DNAH10: variants seen among roughly 807,000 people sequenced by gnomAD.
DNAH10 encodes dynein axonemal heavy chain 10, also known as axonemal beta dynein heavy chain 10.
Under a neutral mutation model 506.6 loss-of-function variants are expected in DNAH10, and 348 were observed. That is an observed-to-expected ratio of 0.69 (90% CI 0.63 to 0.75). The LOEUF is 0.75. DNAH10 is among the 30% of genes least tolerant of loss of function. The probability of loss-of-function intolerance (pLI) is 0.00; values close to 1 mark genes in which losing one functional copy is unlikely to be tolerated. For synonymous variants in DNAH10, 2,059 were observed against 2,198.6 expected (o/e 0.94, Z 1.78); for missense variants, 5,179 against 5,787.1 (o/e 0.89, Z 3.41).
At chr12:123,786,876 G>T (rs928876035) in intron 9 of DNAH10, among the ~76,000 whole-genome samples, 1 of 151,978 alleles carries the variant, frequency 6.6e-6, no homozygotes, top group East Asian at 1.9e-4. Context: ...GGTGGCTCAC[G>T]CCTGTAATTC....
At chr12:123,820,974 G>A (rs1959336826) in intron 24 of DNAH10, among the ~76,000 whole-genome samples, 1 of 152,236 alleles carries the variant, frequency 6.6e-6, no homozygotes, top group Non-Finnish European at 1.5e-5. Context: ...AATAGGCTGG[G>A]TGCGGTGGCT....
Position 123,787,759 on chromosome 12 carries a change from C to T in DNAH10, c.1422-45C>T, listed in dbSNP as rs781637400. The T allele has an allele frequency of 1.7e-5, 27 of 1,587,080 alleles. No homozygotes were observed. The highest frequency in any genetic ancestry group is 1.0e-4 in the South Asian group (9 of 87,468). On this transcript the variant is annotated intron_variant, in intron 9 of 78. Transcript: ENST00000673944. The surrounding 1 kb of genome is among the most constrained non-coding windows in gnomAD (Gnocchi z 4.6). ...CCAGCCGGGGAGTGCGGCTCGGACC[C>T]GGAGCTCCGCCCTCCTCCCATCACG...
intron 53 of DNAH10, among the ~76,000 whole-genome samples, chr12:123,893,740 T>C (rs959151396): frequency 5.3e-5 from 8 of 152,166 alleles, no homozygotes; most frequent in African/African-American, 1.9e-4. Flanking sequence ...TGCCAGCCTT[T>C]AGAGCAGAGG....
intron 52 of DNAH10, among the ~76,000 whole-genome samples, chr12:123,887,609 A>G (rs1025615332): frequency 8.5e-5 from 13 of 152,142 alleles, no homozygotes; most frequent in African/African-American, 3.1e-4. Context: ...AGTGTGCATC[A>G]TACATTCCCG....
At position 123,932,125 on chromosome 12, in the gene DNAH10, C is replaced by T. The variant is rs753941933; in HGVS notation, c.13296+17C>T. The T allele has an allele frequency of 1.2e-5, 20 of 1,612,318 alleles. No individual in the cohort carries two copies. The highest frequency in any genetic ancestry group is 4.0e-5 in the African/African-American group (3 of 74,846). ...ATGTTGTGGGTAAGTGGCACGTCAC[C>T]GCCTCCTCTCTGCCGATTCAGGTGT... On this transcript the variant is annotated intron_variant, in intron 76 of 78. Transcript: ENST00000673944.
chr12:123,923,771 G>C lies in DNAH10; in HGVS notation c.11515G>C (p.Glu3839Gln). The change falls in exon 66 of 79, where the codon GAG becomes CAG. Residue 3839 changes from glutamate to glutamine, a missense_variant. Glu to Gln is a conservative substitution (Grantham distance 29). Transcript: ENST00000673944. ...IYNHGCTGLF[E>Q]RHKLLFSFNM... is the part of the protein sequence containing the mutation. Reference sequence around the variant, plus strand: ...CTGATGTTTCCCTCCAGGGCTGTTTGAGAGGCACAAGCTACTCTTTTCTTT... The same window carrying C: ...CTGATGTTTCCCTCCAGGGCTGTTTCAGAGGCACAAGCTACTCTTTTCTTT... 6.2e-7 allele frequency: 1 copy of C among 1,607,348 alleles called. No homozygotes were observed. Among genetic ancestry groups the C allele is most frequent in the Non-Finnish European group, 8.5e-7 (1 of 1,178,174 alleles).
At position 123,935,368 on chromosome 12, in the gene DNAH10, A is replaced by C. The variant is rs1412154947; in HGVS notation, c.13657A>C (p.Met4553Leu). 4 of 1,611,212 alleles carry C rather than the reference A, an allele frequency of 2.5e-6. No homozygotes were observed. The highest frequency in any genetic ancestry group is 3.4e-6 in the Non-Finnish European group (4 of 1,177,484). Residue 4553 changes from methionine to leucine, a missense_variant, in exon 79 of 79, where the codon ATG becomes CTG. Met to Leu is a conservative substitution (Grantham distance 15, BLOSUM62 2). This residue lies in a region of DNAH10 where 4,844 missense variants were observed against 5,430.5 expected (regional missense o/e 0.89). Coordinates refer to ENST00000673944, the MANE Select transcript of DNAH10 (RefSeq NM_001372106.1). The part of the protein sequence containing the change: ...TFRTPVYTTS[M>L]RRNAMGVGLV... ...CCGGACCCCCGTCTACACCACCTCC[A>C]TGAGAAGGAACGCCATGGGAGTCGG...
In DNAH10 at chr12:123,788,881, C is replaced by T. The variant is rs567700717; in HGVS notation, c.1620+879C>T. Among the ~76,000 whole-genome samples the T allele has an allele frequency of 4.0e-5, 6 of 148,990 alleles. 1 individual carries two copies. In the South Asian group the frequency reaches 8.4e-4, roughly 21 times the overall value. ...GTTGAGGCGCAGTGAGCCGTGGTCACGCCAGTGTACCCCAGCCTGGGCGAC... is the reference window on the plus strand; with the variant it reads ...GTTGAGGCGCAGTGAGCCGTGGTCATGCCAGTGTACCCCAGCCTGGGCGAC... On this transcript the variant is annotated intron_variant, in intron 10 of 78. Transcript: ENST00000673944.
At chr12:123,893,664 G>A (rs1953089929) in intron 53 of DNAH10, among the ~76,000 whole-genome samples, 1 of 152,220 alleles carries the variant, frequency 6.6e-6, no homozygotes, top group Non-Finnish European at 1.5e-5. Context: ...TCCTCCATGC[G>A]AGGCCCGCAG....
In DNAH10 at chr12:123,917,570, A is replaced by G. The variant is rs752342406; in HGVS notation, c.11003-14A>G. ...GGGCCGCAGGTGGTGAGGGCCTCTCACTGTCCCCCACAGTCACGCTGAAGG... is the reference window on the plus strand; with the variant it reads ...GGGCCGCAGGTGGTGAGGGCCTCTCGCTGTCCCCCACAGTCACGCTGAAGG... On this transcript the variant is annotated splice_polypyrimidine_tract_variant and intron_variant, in intron 63 of 78. Coordinates refer to ENST00000673944, the MANE Select transcript of DNAH10 (RefSeq NM_001372106.1). This position sits in a 1 kb window ranked among gnomAD's most constrained non-coding sequence, Gnocchi z 5.6. 1.3e-6 allele frequency: 2 copies of G among 1,549,994 alleles called. No homozygotes were observed. The highest frequency in any genetic ancestry group is 2.4e-5 in the South Asian group (2 of 84,010).
Position 123,787,718 on chromosome 12 carries a change from A to C in DNAH10, c.1422-86A>C, listed in dbSNP as rs1165759602. 2 of 1,512,658 alleles carry C rather than the reference A, an allele frequency of 1.3e-6. No individual in the cohort carries two copies. The highest frequency in any genetic ancestry group is 1.8e-6 in the Non-Finnish European group (2 of 1,112,112). 93.7% of individuals were successfully genotyped at this position (1,512,658 alleles called of 1,614,324 possible). Reference sequence around the variant, plus strand: ...GGGGGGGCGCCCGGGTCAGAGCTTCACGGGACACTGGCTCCCCAGCCGGGG... The same window carrying C: ...GGGGGGGCGCCCGGGTCAGAGCTTCCCGGGACACTGGCTCCCCAGCCGGGG... On this transcript the variant is annotated intron_variant, in intron 9 of 78. Transcript: ENST00000673944. The surrounding 1 kb of genome is among the most constrained non-coding windows in gnomAD (Gnocchi z 4.6).
At chr12:123,881,985 T>A (rs1421125296) in intron 51 of DNAH10, 172 bp downstream of exon 51, 1 of 562,456 alleles carries the variant, frequency 1.8e-6, no homozygotes, top group Non-Finnish European at 2.7e-6. Context: ...TTGATATTAC[T>A]ATATTTTAAC....
At position 123,867,485 on chromosome 12, in the gene DNAH10, A is replaced by T; in HGVS notation, c.7186A>T (p.Asn2396Tyr). Reference protein sequence around the residue: ...IPNKVEQYNLNSLFEKYVPYL... With the variant: ...IPNKVEQYNLYSLFEKYVPYL... The stretch of plus-strand genomic sequence containing the variant: ...TTTATAGGTGGAGCAATACAATTTG[A>T]ATAGTCTCTTTGAGAAGTATGTGCC... The change falls in exon 42 of 79, where the codon AAT (asparagine) becomes TAT (tyrosine). Residue 2396 changes from asparagine to tyrosine, a missense_variant. Coordinates refer to ENST00000673944, the MANE Select transcript of DNAH10 (RefSeq NM_001372106.1). 6.2e-7 allele frequency: 1 copy of T among 1,613,656 alleles called. No homozygotes were observed. The highest frequency in any genetic ancestry group is 8.5e-7 in the Non-Finnish European group (1 of 1,179,764).
At chr12:123,829,668 C>T (rs929825247) in intron 25 of DNAH10, among the ~76,000 whole-genome samples, 15 of 152,242 alleles carry the variant, frequency 9.9e-5, no homozygotes, top group African/African-American at 3.1e-4. Flanking sequence ...GTTCAGAGAC[C>T]GATGAACCAG....
At chr12:123,866,312 C>T (rs565574652) in intron 41 of DNAH10, among the ~76,000 whole-genome samples, 175 of 131,948 alleles carry the variant, frequency 1.3e-3, no homozygotes, top group African/African-American at 4.6e-3. Context: ...GGCGCAATCT[C>T]GGCTCACTGC....
At position 123,932,100 on chromosome 12, in the gene DNAH10, A is replaced by T; in HGVS notation, c.13288A>T (p.Met4430Leu). The T allele has an allele frequency of 6.2e-7, 1 of 1,613,590 alleles. No individual in the cohort carries two copies. Among genetic ancestry groups the T allele is most frequent in the African/African-American group, 1.3e-5 (1 of 75,006 alleles). ...CTTCCTGCGGCGGTTCAGCCAGTAC[A>T]TGTTGTGGGTAAGTGGCACGTCACC... Reference protein sequence around the residue: ...VYFLRRFSQYMLWVTESEPSV... With the variant: ...VYFLRRFSQYLLWVTESEPSV... The change falls in exon 76 of 79, where the codon ATG (methionine) becomes TTG (leucine). Residue 4430 changes from methionine (M) to leucine (L), a missense_variant. Transcript: ENST00000673944.
chr12:123,875,538 G>T lies in DNAH10; in HGVS notation c.8199+47G>T, dbSNP rs372637292. ...GTCTAAACCGGAAGACCTTGTGTTG[G>T]GGGGAAACATACACAGGGCTGACTT... On this transcript the variant is annotated intron_variant, in intron 47 of 78. Transcript: ENST00000673944. The T allele has an allele frequency of 1.1e-5, 17 of 1,606,874 alleles. No individual in the cohort carries two copies. In the African/African-American group the frequency reaches 2.0e-4, roughly 19 times the overall value.
At chr12:123,856,992 A>T in intron 36 of DNAH10, 64 bp from the exon 37 acceptor site, 1 of 1,376,526 alleles carries the variant, frequency 7.3e-7, no homozygotes, top group Non-Finnish European at 9.7e-7. Context: ...TGGGTTGGAA[A>T]CACAGTCCAA....
intron 62 of DNAH10, 126 bp downstream of exon 62, chr12:123,915,125 A>C: frequency 1.0e-5 from 13 of 1,298,836 alleles, no homozygotes; most frequent in South Asian, 5.0e-5. Context: ...TTCCATCCTG[A>C]CCCCCATGCG....
Sources: allele counts gnomAD v4.1 joint callset (sites outside exome capture counted in the v4.1 genomes callset), GRCh38; gene constraint gnomAD v4.1.1; regional missense constraint gnomAD v4.1.1; non-coding constraint Gnocchi (gnomAD v3.1); transcripts MANE v1.5; gene names NCBI Gene and HGNC (gene_info 2026-07-23, HGNC 2026-07-21).